The following PALM2AKAP2 variants were observed in gnomAD, a reference collection of about 807,000 sequenced individuals.
The protein encoded by PALM2AKAP2 is PALM2 and AKAP2 fusion.
PALM2AKAP2 carries 37 observed loss-of-function variants against 71.5 expected under a neutral mutation model. The ratio of observed to expected loss-of-function variants is 0.52; its 90% CI spans 0.40 to 0.68. PALM2AKAP2 has a LOEUF of 0.68. Ranked by LOEUF, PALM2AKAP2 falls within the 30% of genes least tolerant of loss-of-function variation. The pLI, the probability that PALM2AKAP2 is intolerant of heterozygous loss-of-function variation, is 0.00. For synonymous variants in PALM2AKAP2, 468 were observed against 478.8 expected (o/e 0.98, Z 0.29); for missense variants, 1,224 against 1,191.8 (o/e 1.03, Z -0.40).
chr9:109,887,195 A>G (rs1764480042), intron 3 of PALM2AKAP2, among the ~76,000 whole-genome samples: 2 of 152,386 alleles, frequency 1.3e-5, no homozygotes, highest in African/African-American at 2.4e-5. Flanking sequence ...GGGTTTGGCA[A>G]CCAAGAAGAT....
At chr9:109,986,545 C>T (rs992079251) in intron 6 of PALM2AKAP2, among the ~76,000 whole-genome samples, 2 of 152,188 alleles carry the variant, frequency 1.3e-5, no homozygotes, top group African/African-American at 4.8e-5. Flanking sequence ...ATAGAATTTT[C>T]AGTGCTACGG....
At chr9:109,751,505 G>C (rs1272938979) in intron 1 of PALM2AKAP2, among the ~76,000 whole-genome samples, 2 of 152,094 alleles carry the variant, frequency 1.3e-5, no homozygotes, top group African/African-American at 4.8e-5. Flanking sequence ...CTGTGATTTG[G>C]CTAGCATCCC....
chr9:109,730,908 A>AGC, intron 1 of PALM2AKAP2, among the ~76,000 whole-genome samples: 1 of 152,094 alleles, frequency 6.6e-6, no homozygotes, highest in African/African-American at 2.4e-5. Context: ...GCCAGTGGAA[A>AGC]AAAAAAAAGG....
At chr9:109,921,313 AC>A (rs1452272201) in intron 3 of PALM2AKAP2, among the ~76,000 whole-genome samples, 5 of 152,158 alleles carry the variant, frequency 3.3e-5, no homozygotes, top group Non-Finnish European at 5.9e-5. Flanking sequence ...AATGTATGTT[AC>A]TATTTGGGGC....
chr9:109,973,005 T>C (rs937686844), intron 6 of PALM2AKAP2, among the ~76,000 whole-genome samples: 6 of 152,278 alleles, frequency 3.9e-5, no homozygotes, highest in Middle Eastern at 3.4e-3. Flanking sequence ...TCAGTTAATA[T>C]AGGCTATAAG....
intron 1 of PALM2AKAP2, among the ~76,000 whole-genome samples, chr9:110,119,374 A>T (rs972992402): frequency 1.3e-5 from 2 of 151,652 alleles, no homozygotes; most frequent in African/African-American, 2.4e-5. Flanking sequence ...AAGAAAAAGA[A>T]GATAACAGTT....
chr9:109,867,711 T>G, intron 2 of PALM2AKAP2, 140 bp downstream of exon 2: 10 of 949,178 alleles, frequency 1.1e-5, no homozygotes, highest in East Asian at 2.8e-5. Flanking sequence ...AAACCATCTC[T>G]TGGCTTTTCT....
chr9:109,845,345 C>G (rs557921607), intron 1 of PALM2AKAP2, among the ~76,000 whole-genome samples: 1 of 152,236 alleles, frequency 6.6e-6, no homozygotes, highest in African/African-American at 2.4e-5. Context: ...AGAGCAGTCA[C>G]TCCGCCAAAT....
intron 1 of PALM2AKAP2, among the ~76,000 whole-genome samples, chr9:109,838,430 G>T (rs1828547603): frequency 6.6e-6 from 1 of 152,202 alleles, no homozygotes; most frequent in South Asian, 2.1e-4. Context: ...AAGCAGGAAA[G>T]ATCTCAAATT....
At chr9:110,142,254 G>T (rs1374563435) in intron 2 of PALM2AKAP2, among the ~76,000 whole-genome samples, 2 of 151,436 alleles carry the variant, frequency 1.3e-5, no homozygotes, top group Non-Finnish European at 1.5e-5. Context: ...TTGTTTGTTT[G>T]TTTTTTGTAT....
At chr9:110,050,752 C>T (rs1833694922) in intron 1 of PALM2AKAP2, among the ~76,000 whole-genome samples, 1 of 152,264 alleles carries the variant, frequency 6.6e-6, no homozygotes, top group East Asian at 1.9e-4. Flanking sequence ...ATCAGCCTCC[C>T]GAATACCTGG....
chr9:109,748,843 A>G (rs566236143), intron 1 of PALM2AKAP2, among the ~76,000 whole-genome samples: 2 of 152,288 alleles, frequency 1.3e-5, no homozygotes, highest in Non-Finnish European at 1.5e-5. Context: ...TCTTTGGCTT[A>G]TGGATGGCCA....
At chr9:110,051,611 T>C (rs139972484) in intron 1 of PALM2AKAP2, among the ~76,000 whole-genome samples, 2,278 of 152,300 alleles carry the variant, frequency 0.015, 64 homozygotes, top group African/African-American at 0.051. Flanking sequence ...ATGGAGGTTG[T>C]GTTGAGGGAT....
intron 1 of PALM2AKAP2, among the ~76,000 whole-genome samples, chr9:109,850,142 A>T (rs1828971157): frequency 6.6e-6 from 1 of 152,088 alleles, no homozygotes; most frequent in Admixed American, 6.5e-5. Context: ...GAGGCTTTGG[A>T]GATGGATGCA....
chr9:109,914,818 G>A (rs1204213078), intron 3 of PALM2AKAP2, among the ~76,000 whole-genome samples: 8 of 152,194 alleles, frequency 5.3e-5, no homozygotes, highest in East Asian at 1.9e-4. Flanking sequence ...TCAGCCCATC[G>A]TCAGGAATAT....
chr9:109,900,539 T>C (rs1830304092), intron 3 of PALM2AKAP2, among the ~76,000 whole-genome samples: 1 of 152,204 alleles, frequency 6.6e-6, no homozygotes, highest in African/African-American at 2.4e-5. Flanking sequence ...ATTTGGGCTT[T>C]TACCCCAGTG....
intron 3 of PALM2AKAP2, among the ~76,000 whole-genome samples, chr9:109,909,230 C>T (rs193224486): frequency 2.6e-5 from 4 of 152,282 alleles, no homozygotes; most frequent in Admixed American, 6.5e-5. Flanking sequence ...GTAAAGAGTA[C>T]AGAGCCACAC....
At chr9:109,907,843 G>A (rs550518754) in intron 3 of PALM2AKAP2, among the ~76,000 whole-genome samples, 1 of 152,222 alleles carries the variant, frequency 6.6e-6, no homozygotes, top group Non-Finnish European at 1.5e-5. Flanking sequence ...AGGAAGAGCA[G>A]TTTGGATCAG....
intron 1 of PALM2AKAP2, among the ~76,000 whole-genome samples, chr9:109,721,508 T>C (rs1828404818): frequency 6.6e-6 from 1 of 152,222 alleles, no homozygotes; most frequent in African/African-American, 2.4e-5. Flanking sequence ...CAGATTAATA[T>C]TTTTCTTAAA....
Sources: gnomAD v4.1 joint callset for allele counts (sites outside exome capture counted in the v4.1 genomes callset) on GRCh38, gnomAD v4.1.1 for gene constraint, MANE v1.5 for transcripts, NCBI Gene and HGNC (gene_info 2026-07-23, HGNC 2026-07-21) for gene names.